Variants in DOK5 observed in about 807,000 individuals in gnomAD.
The protein encoded by DOK5 is downstream of tyrosine kinase 5.
Under a neutral mutation model 43.3 loss-of-function variants are expected in DOK5, and 27 were observed. The observed-to-expected ratio is 0.62, with a 90% confidence interval of 0.46 to 0.86. The LOEUF (loss-of-function observed/expected upper bound fraction) is 0.86, where lower values mean the gene tolerates loss of function less well. DOK5 is among the 40% of genes least tolerant of loss of function. The pLI is 0.00. For synonymous variants in DOK5, 146 were observed against 140.1 expected, an observed-to-expected ratio of 1.04 and a Z score of -0.30; for missense variants, 373 against 392.9, an observed-to-expected ratio of 0.95 and a Z score of 0.43.
intron 1 of DOK5, among the ~76,000 whole-genome samples, chr20:54,497,255 A>C (rs1278048638): frequency 1.3e-5 from 2 of 152,228 alleles, no homozygotes; most frequent in African/African-American, 4.8e-5. Flanking sequence ...ATGGGTCCTT[A>C]ATGAATCAAT....
intron 1 of DOK5, among the ~76,000 whole-genome samples, chr20:54,554,357 C>T (rs1984637417): frequency 6.6e-6 from 1 of 152,210 alleles, no homozygotes; most frequent in Non-Finnish European, 1.5e-5. Flanking sequence ...CAGCATTGAC[C>T]TTTCAATTTG....
chr20:54,584,917 C>T (rs1600717859), intron 2 of DOK5, among the ~76,000 whole-genome samples: 1 of 152,042 alleles, frequency 6.6e-6, no homozygotes, highest in South Asian at 2.1e-4. Flanking sequence ...TGTAAGAGGA[C>T]TATTATGTCT....
chr20:54,624,024 T>A (rs1004137751), intron 6 of DOK5, among the ~76,000 whole-genome samples: 4 of 152,358 alleles, frequency 2.6e-5, no homozygotes, highest in Admixed American at 1.3e-4. Context: ...ACCCTGATGA[T>A]GTTTGTGCAG....
At position 54,613,192 on chromosome 20, in the gene DOK5, A is replaced by ATCTC. The variant is rs11468450; in HGVS notation, c.735+2692_735+2695dup. Among the ~76,000 whole-genome samples the ATCTC allele has an allele frequency of 1.4e-3, 204 of 143,074 alleles. 1 individual carries two copies. The highest frequency in any genetic ancestry group is 2.3e-3 in the South Asian group (10 of 4,264). 93.9% of individuals were successfully genotyped at this position (143,074 alleles called of 152,430 possible). ...CTAAGCCCATTTACATCTGCGCCTCATCTCTCTCTCTCTCTCTCTCTCTCT... is the reference window on the plus strand; with the variant it reads ...CTAAGCCCATTTACATCTGCGCCTCATCTCTCTCTCTCTCTCTCTCTCTCTCTCT... On this transcript the variant is annotated intron_variant, in intron 6 of 7. Coordinates refer to ENST00000262593, the MANE Select transcript of DOK5 (RefSeq NM_018431.5).
intron 5 of DOK5, among the ~76,000 whole-genome samples, chr20:54,595,197 C>T (rs1486414135): frequency 3.9e-5 from 6 of 152,052 alleles, no homozygotes; most frequent in African/African-American, 1.2e-4. Context: ...AAAAATTAGC[C>T]GGGCGTGGTA....
At chr20:54,508,196 G>A (rs1034752798) in intron 1 of DOK5, among the ~76,000 whole-genome samples, 11 of 152,194 alleles carry the variant, frequency 7.2e-5, no homozygotes, top group Non-Finnish European at 1.5e-4. Context: ...GCAATTAAAA[G>A]TAGAACTCCC....
At chr20:54,628,408 C>CAAAAAAAAAAAAAAA (rs56730310) in intron 6 of DOK5, among the ~76,000 whole-genome samples, 1 of 23,452 alleles carries the variant, frequency 4.3e-5, no homozygotes, top group African/African-American at 1.3e-4. Context: ...GACTCCGTCT[C>CAAAAAAAAAAAAAAA]AAAAAAAAAA....
chr20:54,493,095 C>CCCTCTG (rs1982257725), intron 1 of DOK5, among the ~76,000 whole-genome samples: 1 of 150,956 alleles, frequency 6.6e-6, no homozygotes, highest in Non-Finnish European at 1.5e-5. Flanking sequence ...ATGTGTTTGT[C>CCCTCTG]CCTCTGCTCC....
chr20:54,524,555 T>C (rs1438081629), intron 1 of DOK5, among the ~76,000 whole-genome samples: 1 of 152,166 alleles, frequency 6.6e-6, no homozygotes, highest in Non-Finnish European at 1.5e-5. Context: ...GGAACCATAC[T>C]GTGGGGTAGC....
chr20:54,642,734 A>G (rs1343927750), intron 6 of DOK5, among the ~76,000 whole-genome samples: 2 of 152,106 alleles, frequency 1.3e-5, no homozygotes, highest in Non-Finnish European at 2.9e-5. Flanking sequence ...AAAAAAACAA[A>G]AACAAAACAA....
intron 1 of DOK5, among the ~76,000 whole-genome samples, chr20:54,523,892 C>T (rs530654726): frequency 1.1e-4 from 17 of 152,210 alleles, no homozygotes; most frequent in East Asian, 5.8e-4. Flanking sequence ...CATGAGCCAC[C>T]GCGCCCAGCC....
At chr20:54,511,057 T>C (rs1982999229) in intron 1 of DOK5, among the ~76,000 whole-genome samples, 1 of 152,214 alleles carries the variant, frequency 6.6e-6, no homozygotes, top group Admixed American at 6.5e-5. Flanking sequence ...AACACTTTCA[T>C]GTGCTTTTAT....
chr20:54,584,997 G>A (rs1985759429), intron 2 of DOK5, among the ~76,000 whole-genome samples: 1 of 152,026 alleles, frequency 6.6e-6, no homozygotes, highest in African/African-American at 2.4e-5. Context: ...AGTTTTATGT[G>A]ACTTGTAAAT....
chr20:54,522,410 C>CCT (rs2146697840), intron 1 of DOK5, among the ~76,000 whole-genome samples: 1 of 152,238 alleles, frequency 6.6e-6, no homozygotes, highest in Admixed American at 6.5e-5. Flanking sequence ...TGCAATACTT[C>CCT]ATGGAGGAAG....
intron 1 of DOK5, among the ~76,000 whole-genome samples, chr20:54,526,117 C>T (rs7266935): frequency 0.024 from 3,602 of 151,204 alleles, 139 homozygotes; most frequent in African/African-American, 0.083. Flanking sequence ...CAGAAGCCTG[C>T]GTGAAAGTAA....
At chr20:54,497,333 C>T (rs923627020) in intron 1 of DOK5, among the ~76,000 whole-genome samples, 2 of 152,204 alleles carry the variant, frequency 1.3e-5, no homozygotes, top group Admixed American at 1.3e-4. Flanking sequence ...AATTGTCATC[C>T]ATTTAAAATG....
At chr20:54,496,635 A>G (rs920643958) in intron 1 of DOK5, among the ~76,000 whole-genome samples, 25 of 151,936 alleles carry the variant, frequency 1.6e-4, no homozygotes, top group South Asian at 4.2e-4. Flanking sequence ...GCGTGGTGGC[A>G]GGCGCCTGTA....
At chr20:54,623,091 C>T (rs1038359014) in intron 6 of DOK5, among the ~76,000 whole-genome samples, 11 of 152,040 alleles carry the variant, frequency 7.2e-5, no homozygotes, top group South Asian at 2.1e-4. Context: ...CAAATTGGAA[C>T]GCGTAGTCAC....
At chr20:54,532,522 A>T (rs1247781285) in intron 1 of DOK5, among the ~76,000 whole-genome samples, 1 of 152,162 alleles carries the variant, frequency 6.6e-6, no homozygotes, top group South Asian at 2.1e-4. Context: ...GAAGGTGGCA[A>T]TAGTTTCAGG....
Sources: gnomAD v4.1 joint callset for allele counts (sites outside exome capture counted in the v4.1 genomes callset) on GRCh38, gnomAD v4.1.1 for gene constraint, MANE v1.5 for transcripts, NCBI Gene and HGNC (gene_info 2026-07-23, HGNC 2026-07-21) for gene names.